KCND3: variants seen among roughly 807,000 people sequenced by gnomAD.
KCND3 encodes potassium voltage-gated channel subfamily D member 3, also known as A-type voltage-gated potassium channel KCND3.
KCND3 carries 9 observed loss-of-function variants against 51.1 expected under a neutral mutation model. The ratio of observed to expected loss-of-function variants is 0.18; its 90% confidence interval spans 0.11 to 0.31. The LOEUF is 0.31. KCND3 is among the 10% of genes least tolerant of loss of function. The probability of loss-of-function intolerance (pLI) is 1.00; values close to 1 mark genes in which losing one functional copy is unlikely to be tolerated. For synonymous variants in KCND3, 349 were observed against 368.0 expected, an observed-to-expected ratio of 0.95 and a Z score of 0.59; for missense variants, 526 against 903.8, an observed-to-expected ratio of 0.58 and a Z score of 5.36.
chr1:111,945,938 G>A (rs375655058), intron 2 of KCND3, among the ~76,000 whole-genome samples: 9 of 152,290 alleles, frequency 5.9e-5, no homozygotes, highest in South Asian at 2.1e-4. Flanking sequence ...TGGCTCCACC[G>A]TGTCACTTAC....
chr1:111,784,107 A>ACACACACT (rs1557935268), intron 3 of KCND3, among the ~76,000 whole-genome samples: 1 of 129,824 alleles, frequency 7.7e-6, no homozygotes, highest in African/African-American at 3.4e-5. Context: ...AACTTATCAC[A>ACACACACT]CACACACACA....
intron 2 of KCND3, among the ~76,000 whole-genome samples, chr1:111,960,004 A>C (rs1341961442): frequency 6.7e-6 from 1 of 150,340 alleles, no homozygotes. Flanking sequence ...TTTGCTCAGC[A>C]CTCACTCTTC....
chr1:111,882,684 G>A (rs1468300542), intron 2 of KCND3, among the ~76,000 whole-genome samples: 6 of 152,154 alleles, frequency 3.9e-5, no homozygotes, highest in East Asian at 1.9e-4. Flanking sequence ...TGCTGGGGGC[G>A]GACAAAGGGA....
At chr1:111,813,593 C>T (rs536456227) in intron 2 of KCND3, among the ~76,000 whole-genome samples, 1 of 152,372 alleles carries the variant, frequency 6.6e-6, no homozygotes, top group African/African-American at 2.4e-5. Flanking sequence ...GCTCGCCTAG[C>T]CACAGCCGGG....
At chr1:111,902,516 C>T (rs1670434591) in intron 2 of KCND3, among the ~76,000 whole-genome samples, 1 of 152,192 alleles carries the variant, frequency 6.6e-6, no homozygotes, top group Non-Finnish European at 1.5e-5. Context: ...CAACTTGATT[C>T]TACTAGCCCT....
At chr1:111,784,103 T>TCATACACACA (rs1664505727) in intron 3 of KCND3, among the ~76,000 whole-genome samples, 1 of 117,484 alleles carries the variant, frequency 8.5e-6, no homozygotes, top group South Asian at 2.8e-4. Context: ...CATTAACTTA[T>TCATACACACA]CACACACACA....
At chr1:111,864,147 G>A (rs1408306773) in intron 2 of KCND3, among the ~76,000 whole-genome samples, 1 of 152,234 alleles carries the variant, frequency 6.6e-6, no homozygotes, top group Non-Finnish European at 1.5e-5. Context: ...TGTGGTGGAG[G>A]GGTGGGCGTG....
chr1:111,818,236 G>C (rs1443907902), intron 2 of KCND3, among the ~76,000 whole-genome samples: 1 of 152,164 alleles, frequency 6.6e-6, no homozygotes, highest in Non-Finnish European at 1.5e-5. Context: ...AGGAGGGAAG[G>C]AGGACCAGGG....
At chr1:111,974,208 C>A (rs1024905364) in intron 2 of KCND3, among the ~76,000 whole-genome samples, 1 of 152,150 alleles carries the variant, frequency 6.6e-6, no homozygotes, top group African/African-American at 2.4e-5. Flanking sequence ...GGAGTCTGAA[C>A]TTGTTCTGGA....
At chr1:111,922,460 G>C (rs187109302) in intron 2 of KCND3, among the ~76,000 whole-genome samples, 9 of 152,272 alleles carry the variant, frequency 5.9e-5, no homozygotes, top group Non-Finnish European at 1.3e-4. Flanking sequence ...AAATGTTTAC[G>C]GAGTACAGTA....
intron 2 of KCND3, among the ~76,000 whole-genome samples, chr1:111,961,617 G>C (rs953586794): frequency 2.0e-5 from 3 of 152,118 alleles, no homozygotes; most frequent in African/African-American, 7.2e-5. Flanking sequence ...TCCCTGTGCC[G>C]AAGGTGTGCA....
Position 111,943,982 on chromosome 1 carries a change from T to C in KCND3, c.1106+37639A>G, listed in dbSNP as rs552646921. Among the ~76,000 whole-genome samples, 4 of 152,368 alleles carry C rather than the reference T, an allele frequency of 2.6e-5. No homozygotes were observed. The East Asian group carries it at 7.7e-4, about 29-fold the overall frequency. On this transcript the variant is annotated intron_variant, in intron 2 of 7. Coordinates refer to ENST00000302127, the MANE Select transcript of KCND3 (RefSeq NM_001378969.1). ...TTATCAGCTGCAGAAAAGCCTCTGC[T>C]TTGGCAAGTTTTATAAAGGACTAAA...
At chr1:111,832,151 T>A (rs1666861557) in intron 2 of KCND3, among the ~76,000 whole-genome samples, 1 of 152,152 alleles carries the variant, frequency 6.6e-6, no homozygotes, top group Non-Finnish European at 1.5e-5. Context: ...CTCAGCACAC[T>A]GTACATTCAC....
chr1:111,930,716 G>A (rs999767689), intron 2 of KCND3, among the ~76,000 whole-genome samples: 4 of 151,844 alleles, frequency 2.6e-5, no homozygotes, highest in African/African-American at 9.6e-5. Context: ...TCATGTAATT[G>A]AGTAAATGAC....
At chr1:111,814,871 C>T (rs1252906840) in intron 2 of KCND3, among the ~76,000 whole-genome samples, 5 of 152,244 alleles carry the variant, frequency 3.3e-5, no homozygotes, top group Non-Finnish European at 1.5e-5. Flanking sequence ...TTTTATCCAC[C>T]AGAGTCCCTA....
chr1:111,888,817 A>T (rs1669691192), intron 2 of KCND3, among the ~76,000 whole-genome samples: 1 of 152,052 alleles, frequency 6.6e-6, no homozygotes, highest in Non-Finnish European at 1.5e-5. Flanking sequence ...AGCAGCACAG[A>T]GAGGCAAGCA....
At chr1:111,880,688 A>G (rs1404653412) in intron 2 of KCND3, among the ~76,000 whole-genome samples, 4 of 152,176 alleles carry the variant, frequency 2.6e-5, no homozygotes, top group Admixed American at 2.6e-4. Flanking sequence ...GCTCATTTAA[A>G]CCTTATTGAA....
chr1:111,980,229 T>TGTGTGTGTGG, intron 2 of KCND3, among the ~76,000 whole-genome samples: 1 of 151,892 alleles, frequency 6.6e-6, no homozygotes, highest in Admixed American at 6.6e-5. Context: ...TGTGTGTGTG[T>TGTGTGTGTGG]GTGTGTGTGG....
chr1:111,830,547 C>T (rs1007716062), intron 2 of KCND3, among the ~76,000 whole-genome samples: 3 of 152,226 alleles, frequency 2.0e-5, no homozygotes, highest in Admixed American at 2.0e-4. Flanking sequence ...CCTACCCTTG[C>T]AGGACCTCAA....
Sources: allele counts gnomAD v4.1 joint callset (sites outside exome capture counted in the v4.1 genomes callset), GRCh38; gene constraint gnomAD v4.1.1; transcripts MANE v1.5; gene names NCBI Gene and HGNC (gene_info 2026-07-23, HGNC 2026-07-21).